Variants in CNBD1 observed in about 807,000 individuals in gnomAD.
The protein encoded by CNBD1 is cyclic nucleotide binding domain containing 1.
Under a neutral mutation model 54.4 loss-of-function variants are expected in CNBD1, and 71 were observed. That is an observed-to-expected ratio of 1.30 (90% CI 1.08 to 1.59). The LOEUF (loss-of-function observed/expected upper bound fraction) is 1.59. CNBD1 is among the 40% of genes most tolerant of loss of function. The probability of loss-of-function intolerance (pLI) is 0.00; values close to 1 mark genes in which losing one functional copy is unlikely to be tolerated. For synonymous variants in CNBD1, 182 were observed against 170.7 expected, an observed-to-expected ratio of 1.07 and a Z score of -0.51; for missense variants, 659 against 518.0, an observed-to-expected ratio of 1.27 and a Z score of -2.64.
intron 4 of CNBD1, among the ~76,000 whole-genome samples, chr8:87,025,167 TCAGCACTCCGTAAAATGGAC>T (rs1809610276): frequency 7.0e-6 from 1 of 143,296 alleles, no homozygotes; most frequent in African/African-American, 3.0e-5. Context: ...AACGCACCAA[TCAGCACTCCGTAAAATGGAC>T]CAATCAGCAC....
chr8:87,298,139 TTTATTA>T (rs1440609370), intron 8 of CNBD1, among the ~76,000 whole-genome samples: 1 of 151,262 alleles, frequency 6.6e-6, no homozygotes, highest in African/African-American at 2.4e-5. Context: ...AAATCTGATT[TTTATTA>T]TTGTTATTGT....
At chr8:87,337,630 T>C (rs1215228761) in intron 8 of CNBD1, among the ~76,000 whole-genome samples, 1 of 152,184 alleles carries the variant, frequency 6.6e-6, no homozygotes, top group Non-Finnish European at 1.5e-5. Context: ...TTCCAATCTG[T>C]TGGTTGCACA....
rs865826068 is a variant in CNBD1 at position 87,389,454 on chromosome 8, A to G, written c.213+35668A>G. Among the ~76,000 whole-genome samples the G allele has an allele frequency of 9.2e-4, 140 of 152,208 alleles. 1 individual carries two copies. Among genetic ancestry groups the G allele is most frequent in the Non-Finnish European group, 2.6e-4 (18 of 68,040 alleles). On this transcript the variant is annotated intron_variant, in intron 2 of 7. Transcript: ENST00000521593. ...AAATCACAAGCATTCTTATACACCA[A>G]TAACAGACAAACAGAGAGCCAAATC...
At chr8:86,945,217 T>A (rs914150410) in intron 4 of CNBD1, among the ~76,000 whole-genome samples, 3 of 152,214 alleles carry the variant, frequency 2.0e-5, no homozygotes, top group Non-Finnish European at 4.4e-5. Context: ...GAGGGACTTA[T>A]AAATGAGCTG....
intron 4 of CNBD1, among the ~76,000 whole-genome samples, chr8:86,947,395 T>A (rs1207408144): frequency 6.6e-6 from 1 of 152,084 alleles, no homozygotes; most frequent in Admixed American, 6.6e-5. Flanking sequence ...TAAAATTTGG[T>A]TTCCAAATGA....
intron 1 of CNBD1, among the ~76,000 whole-genome samples, chr8:86,885,684 A>G (rs1320666186): frequency 6.6e-6 from 1 of 152,202 alleles, no homozygotes; most frequent in Non-Finnish European, 1.5e-5. Flanking sequence ...GGCAAGATCC[A>G]TTATGTTGCT....
chr8:87,342,098 C>T (rs536427699), intron 8 of CNBD1, among the ~76,000 whole-genome samples: 1 of 152,086 alleles, frequency 6.6e-6, no homozygotes, highest in South Asian at 2.1e-4. Flanking sequence ...ACGGCGAAAC[C>T]CTGTTTCTAC....
chr8:87,090,763 A>G (rs1811188542), intron 4 of CNBD1, among the ~76,000 whole-genome samples: 1 of 152,214 alleles, frequency 6.6e-6, no homozygotes. Flanking sequence ...AGTTAAATGG[A>G]AACATTGTAA....
intron 8 of CNBD1, among the ~76,000 whole-genome samples, chr8:87,338,892 G>A (rs1440673532): frequency 6.6e-6 from 1 of 152,002 alleles, no homozygotes; most frequent in Non-Finnish European, 1.5e-5. Context: ...TGTGGGTGAG[G>A]GGAAGTGCTC....
chr8:87,084,041 T>C (rs1300084343), intron 4 of CNBD1, among the ~76,000 whole-genome samples: 1 of 152,206 alleles, frequency 6.6e-6, no homozygotes, highest in Non-Finnish European at 1.5e-5. Flanking sequence ...TGGCTCAGAA[T>C]AAATCTCTTC....
intron 4 of CNBD1, among the ~76,000 whole-genome samples, chr8:87,039,328 C>T (rs1416644196): frequency 1.3e-5 from 2 of 152,086 alleles, no homozygotes; most frequent in Non-Finnish European, 2.9e-5. Flanking sequence ...TATTTGCCTT[C>T]CTAATTTACT....
intron 4 of CNBD1, among the ~76,000 whole-genome samples, chr8:87,004,211 T>C (rs1003795750): frequency 2.6e-5 from 4 of 152,158 alleles, no homozygotes; most frequent in African/African-American, 9.7e-5. Flanking sequence ...TGCCAGCATC[T>C]GCTCAGCTTC....
At chr8:87,315,843 G>A (rs1809374034) in intron 8 of CNBD1, among the ~76,000 whole-genome samples, 1 of 152,020 alleles carries the variant, frequency 6.6e-6, no homozygotes. Context: ...AAAGTAGGTA[G>A]CAGAGAAGAT....
intron 2 of CNBD1, among the ~76,000 whole-genome samples, chr8:87,395,172 C>G (rs949334366): frequency 6.6e-6 from 1 of 151,900 alleles, no homozygotes; most frequent in Non-Finnish European, 1.5e-5. Context: ...CATCATTCTA[C>G]TCTCTACTTT....
intron 4 of CNBD1, among the ~76,000 whole-genome samples, chr8:87,101,043 A>C (rs1249820313): frequency 6.6e-6 from 1 of 152,244 alleles, no homozygotes; most frequent in African/African-American, 2.4e-5. Context: ...TTTTAGTTTG[A>C]ATCTAACTGC....
intron 4 of CNBD1, among the ~76,000 whole-genome samples, chr8:87,120,471 G>C (rs1811867585): frequency 6.6e-6 from 1 of 151,568 alleles, no homozygotes; most frequent in South Asian, 2.1e-4. Flanking sequence ...TTCTCTCTTG[G>C]TTAGTCTAGC....
intron 4 of CNBD1, among the ~76,000 whole-genome samples, chr8:86,985,600 T>C (rs1352913872): frequency 6.6e-6 from 1 of 152,232 alleles, no homozygotes; most frequent in Non-Finnish European, 1.5e-5. Flanking sequence ...TATTCCATGA[T>C]GTGGGTGTGT....
intron 5 of CNBD1, among the ~76,000 whole-genome samples, chr8:87,222,098 T>C (rs970740449): frequency 1.3e-5 from 2 of 152,116 alleles, no homozygotes; most frequent in Non-Finnish European, 2.9e-5. Context: ...AATTAATCCA[T>C]CTGGCTTAAA....
intron 4 of CNBD1, among the ~76,000 whole-genome samples, chr8:86,949,104 T>C (rs565007964): frequency 6.6e-6 from 1 of 152,294 alleles, no homozygotes; most frequent in South Asian, 2.1e-4. Flanking sequence ...GTTTCTTTGG[T>C]CTGTGTTTCT....
Sources: gnomAD v4.1 joint callset for allele counts (sites outside exome capture counted in the v4.1 genomes callset) on GRCh38, gnomAD v4.1.1 for gene constraint, MANE v1.5 for transcripts, NCBI Gene and HGNC (gene_info 2026-07-23, HGNC 2026-07-21) for gene names.